DEAF1: variants seen among roughly 807,000 people sequenced by gnomAD.
DEAF1 encodes deformed epidermal autoregulatory factor 1 homolog.
DEAF1 carries 53 observed loss-of-function variants against 58.9 expected under a neutral mutation model. The observed-to-expected ratio is 0.90, with a 90% CI of 0.72 to 1.13. The LOEUF (loss-of-function observed/expected upper bound fraction) is 1.13, where lower values mean the gene tolerates loss of function less well. Among genes scored for constraint, DEAF1 ranks in the 50% most tolerant of loss-of-function variants. The probability of loss-of-function intolerance (pLI) is 0.00; values close to 1 mark genes in which losing one functional copy is unlikely to be tolerated. For synonymous variants in DEAF1, 385 were observed against 340.4 expected, an observed-to-expected ratio of 1.13 and a Z score of -1.44; for missense variants, 685 against 791.4, an observed-to-expected ratio of 0.87 and a Z score of 1.61.
chr11:653,465 C>G (rs368885218), intron 11 of DEAF1, among the ~76,000 whole-genome samples: 176 of 106,606 alleles, frequency 1.7e-3, no homozygotes, highest in South Asian at 5.0e-3. Flanking sequence ...GTGGAGGGCT[C>G]AATAATAGAA....
upstream of DEAF1, chr11:699,021 T>G (rs1861326146): frequency 1.9e-6 from 2 of 1,070,082 alleles, no homozygotes; most frequent in East Asian, 4.8e-5. Context: ...GGGGTGTTCC[T>G]TGACAGATTT....
Position 680,962 on chromosome 11 carries a change from C to T in DEAF1, c.997+1G>A. 1 of 1,614,150 alleles carries T rather than the reference C, an allele frequency of 6.2e-7. No individual in the cohort carries two copies. Among genetic ancestry groups the T allele is most frequent in the Middle Eastern group, 1.7e-4 (1 of 6,056 alleles). ...CTAGAGCTGTGTTTTCTCAAACTCA[C>T]AGGTGGTAGCCGCGGTGGCTGGAAG... On this transcript the variant is annotated splice_donor_variant, in intron 7 of 11. Coordinates refer to ENST00000382409, the MANE Select transcript of DEAF1 (RefSeq NM_021008.4). LOFTEE classifies it high-confidence loss of function.
At chr11:699,886 C>T, upstream of DEAF1, 1 of 465,528 alleles carries the variant, frequency 2.1e-6, no homozygotes, top group East Asian at 3.7e-5. Context: ...GTCAGGAGGG[C>T]AGGGGCTGCA....
chr11:676,790 C>T (rs1303437323), intron 9 of DEAF1, among the ~76,000 whole-genome samples: 1 of 152,176 alleles, frequency 6.6e-6, no homozygotes, highest in Non-Finnish European at 1.5e-5. Context: ...CGGCGTGAGC[C>T]ACCACGCCCA....
chr11:702,442 G>C (rs779945387), intron 1 of DEAF1, among the ~76,000 whole-genome samples: 2 of 152,218 alleles, frequency 1.3e-5, no homozygotes, highest in Admixed American at 6.5e-5. Flanking sequence ...CAAGCGCGCC[G>C]CACACTGCAG....
chr11:684,120 GCT>G (rs1491426176), intron 6 of DEAF1, among the ~76,000 whole-genome samples: 7 of 127,664 alleles, frequency 5.5e-5, no homozygotes, highest in Non-Finnish European at 8.0e-5. Context: ...GTCTCTCCAT[GCT>G]CTTTTTTTTT....
chr11:645,160 CAAAA>C (rs80108345), intron 11 of DEAF1, among the ~76,000 whole-genome samples: 4 of 101,046 alleles, frequency 4.0e-5, no homozygotes, highest in Non-Finnish European at 7.8e-5. Flanking sequence ...AACTCCATAT[CAAAA>C]AAAAAAAAAA....
intron 11 of DEAF1, among the ~76,000 whole-genome samples, chr11:652,774 A>G (rs1858838330): frequency 6.6e-6 from 1 of 152,108 alleles, no homozygotes; most frequent in African/African-American, 2.4e-5. Context: ...TATGAGAAAA[A>G]AAAACCATCA....
intron 11 of DEAF1, among the ~76,000 whole-genome samples, chr11:649,834 T>C (rs1298723705): frequency 1.3e-5 from 2 of 151,934 alleles, no homozygotes; most frequent in African/African-American, 4.8e-5. Flanking sequence ...GAGACCAGCC[T>C]TGCCAACACG....
intron 9 of DEAF1, 200 bp downstream of exon 9, chr11:678,493 CA>C: frequency 1.4e-6 from 1 of 709,752 alleles, no homozygotes; most frequent in South Asian, 1.6e-5. Flanking sequence ...ACAGCACACA[CA>C]TGAATGGACG....
intron 11 of DEAF1, among the ~76,000 whole-genome samples, chr11:648,603 C>T (rs1858610884): frequency 6.6e-6 from 1 of 152,078 alleles, no homozygotes; most frequent in Non-Finnish European, 1.5e-5. Flanking sequence ...TGTGTTCGTT[C>T]TGTAGGTGAA....
chr11:700,864 T>A lies in DEAF1; in HGVS notation c.-438+5708A>T, dbSNP rs1264581588. Reference sequence around the variant, plus strand: ...TTTGCAGGCTCACCTTACAGTGTCATTAAGTATTAATCAAGAAGTTTTGTC... The same window carrying A: ...TTTGCAGGCTCACCTTACAGTGTCAATAAGTATTAATCAAGAAGTTTTGTC... On this transcript the variant is annotated intron_variant, in intron 1 of 11. Transcript: ENST00000683307. 9.9e-6 allele frequency: 7 copies of A among 708,864 alleles called. No homozygotes were observed. In the Admixed American group the frequency reaches 1.6e-4, roughly 16 times the overall value. 43.9% of individuals were successfully genotyped at this position (708,864 alleles called of 1,614,324 possible).
chr11:695,182 C>A lies in DEAF1; in HGVS notation c.-135G>T. The A allele has an allele frequency of 1.2e-6, 1 of 809,392 alleles. No homozygotes were observed. The highest frequency in any genetic ancestry group is 2.5e-5 in the South Asian group (1 of 39,250). The allele number at this position is 809,392 out of a possible 1,614,324, so 50.1% of individuals were successfully genotyped here. A position where few individuals can be genotyped will look rare whatever the true frequency, so the allele number is the denominator to read the frequency against. On this transcript the variant is annotated 5_prime_UTR_variant, in exon 1 of 12. Coordinates refer to ENST00000382409, the MANE Select transcript of DEAF1 (RefSeq NM_021008.4). ...CCGAAGCCGCCGCCCGAATAGGGAC[C>A]GAAAAGGCAGCCAGCCGCCGAGCAG...
intron 10 of DEAF1, among the ~76,000 whole-genome samples, chr11:655,568 G>A (rs1305965036): frequency 1.3e-5 from 2 of 152,208 alleles, no homozygotes; most frequent in African/African-American, 2.4e-5. Flanking sequence ...TGGCCAGTGG[G>A]TGAGTGGCAG....
chr11:687,841 A>G, intron 4 of DEAF1, 70 bp downstream of exon 4: 1 of 1,599,106 alleles, frequency 6.3e-7, no homozygotes, highest in Admixed American at 1.7e-5. Context: ...CATCTTTCTC[A>G]GCCCCCAATT....
chr11:664,162 G>A (rs534234038), intron 10 of DEAF1, among the ~76,000 whole-genome samples: 49 of 151,720 alleles, frequency 3.2e-4, no homozygotes, highest in South Asian at 1.9e-3. Flanking sequence ...GCGGTGAGCC[G>A]AGATCACGCC....
intron 1 of DEAF1, among the ~76,000 whole-genome samples, chr11:701,608 A>C (rs1248877001): frequency 6.6e-6 from 1 of 151,274 alleles, no homozygotes; most frequent in Non-Finnish European, 1.5e-5. Flanking sequence ...ATGGGGTTTC[A>C]CCATGTTAGC....
intron 11 of DEAF1, among the ~76,000 whole-genome samples, chr11:648,280 C>T (rs969693165): frequency 2.0e-5 from 3 of 150,768 alleles, no homozygotes; most frequent in African/African-American, 7.3e-5. Context: ...CTGCAAGCTC[C>T]GCCTCCCGGG....
chr11:690,471 G>A (rs1437976266), intron 2 of DEAF1, among the ~76,000 whole-genome samples: 1 of 151,916 alleles, frequency 6.6e-6, no homozygotes, highest in Non-Finnish European at 1.5e-5. Context: ...CAGGCCGGGT[G>A]TGGTGGCTCA....
Sources: allele counts gnomAD v4.1 joint callset (sites outside exome capture counted in the v4.1 genomes callset), GRCh38; gene constraint gnomAD v4.1.1; transcripts MANE v1.5; gene names NCBI Gene and HGNC (gene_info 2026-07-23, HGNC 2026-07-21).